NRXN3: variants seen among roughly 807,000 people sequenced by gnomAD.
NRXN3 encodes the protein neurexin 3.
A neutral mutation model predicts 137.6 loss-of-function variants in NRXN3; 32 were observed. That is an observed-to-expected ratio of 0.23 (90% CI 0.18 to 0.31). The LOEUF (loss-of-function observed/expected upper bound fraction) is 0.31, where lower values mean the gene tolerates loss of function less well. Among genes scored for constraint, NRXN3 ranks in the 10% least tolerant of loss-of-function variants. NRXN3 has a pLI of 1.00. For synonymous variants in NRXN3, 798 were observed against 784.5 expected (o/e 1.02, Z -0.29); for missense variants, 1,574 against 2,062.5 (o/e 0.76, Z 4.59).
intron 16 of NRXN3, chr14:79,661,688 C>T (rs1349076626): frequency 6.6e-6 from 1 of 152,144 alleles, no homozygotes; most frequent in Non-Finnish European, 1.5e-5. Context: ...AAACTCTTTT[C>T]TATATCTTGA....
chr14:78,228,789 C>T (rs10129759), intron 1 of NRXN3, among the ~76,000 whole-genome samples: 2,963 of 152,252 alleles, frequency 0.019, 83 homozygotes, highest in African/African-American at 0.066. Flanking sequence ...AACCTTGGGG[C>T]AGGGACACCC....
intron 4 of NRXN3, among the ~76,000 whole-genome samples, chr14:78,533,054 C>A (rs2153813448): frequency 6.6e-6 from 1 of 150,912 alleles, no homozygotes; most frequent in Middle Eastern, 3.5e-3. Flanking sequence ...TACTATGCCA[C>A]TACATCAGTC....
At chr14:79,190,082 T>C (rs774309214) in intron 15 of NRXN3, among the ~76,000 whole-genome samples, 7 of 152,220 alleles carry the variant, frequency 4.6e-5, no homozygotes, top group Non-Finnish European at 4.4e-5. Context: ...TCTACTCATT[T>C]GTTCAGATTT....
At chr14:78,540,910 G>A (rs1483073214) in intron 4 of NRXN3, among the ~76,000 whole-genome samples, 1 of 152,150 alleles carries the variant, frequency 6.6e-6, no homozygotes, top group Non-Finnish European at 1.5e-5. Flanking sequence ...ATTCTGGGTT[G>A]AAAATTCTTT....
intron 4 of NRXN3, among the ~76,000 whole-genome samples, chr14:78,377,034 G>A (rs943889948): frequency 1.3e-5 from 2 of 152,040 alleles, no homozygotes; most frequent in African/African-American, 4.8e-5. Context: ...ATAAAGAACA[G>A]AGAAAATAAA....
At chr14:79,318,040 T>C (rs1294359204) in intron 15 of NRXN3, among the ~76,000 whole-genome samples, 1 of 152,120 alleles carries the variant, frequency 6.6e-6, no homozygotes, top group Non-Finnish European at 1.5e-5. Context: ...GGGCAAGAAA[T>C]GAGATTATTT....
chr14:78,691,676 C>G (rs1041571456), intron 6 of NRXN3, among the ~76,000 whole-genome samples: 3 of 152,022 alleles, frequency 2.0e-5, no homozygotes, highest in African/African-American at 4.8e-5. Flanking sequence ...AGATTGTTAT[C>G]TGAAATAGAT....
intron 6 of NRXN3, among the ~76,000 whole-genome samples, chr14:78,681,460 A>C (rs1202585995): frequency 6.6e-6 from 1 of 152,206 alleles, no homozygotes; most frequent in African/African-American, 2.4e-5. Flanking sequence ...GACCCTCTCC[A>C]TATTTTCAGT....
chr14:78,226,675 G>A (rs556420944), intron 1 of NRXN3, among the ~76,000 whole-genome samples: 1 of 152,272 alleles, frequency 6.6e-6, no homozygotes, highest in South Asian at 2.1e-4. Flanking sequence ...GAGCCCAGAA[G>A]TTGAAGCCAT....
intron 16 of NRXN3, among the ~76,000 whole-genome samples, chr14:79,650,512 G>T (rs1308902874): frequency 1.3e-5 from 2 of 152,114 alleles, no homozygotes; most frequent in Non-Finnish European, 2.9e-5. Flanking sequence ...TGGGTGCAGA[G>T]TATTTGTGGC....
intron 10 of NRXN3, among the ~76,000 whole-genome samples, chr14:78,894,144 A>T (rs2099167046): frequency 6.6e-6 from 1 of 151,900 alleles, no homozygotes; most frequent in Admixed American, 6.6e-5. Context: ...ACAACAATGA[A>T]GTTTGCTTTA....
rs2098386652 is a variant in NRXN3 at position 78,709,277 on chromosome 14, A to T, written c.1282A>T (p.Thr428Ser). 2 of 1,614,144 alleles carry T rather than the reference A, an allele frequency of 1.2e-6. No homozygotes were observed. Among genetic ancestry groups the T allele is most frequent in the Middle Eastern group, 3.3e-4 (2 of 6,062 alleles). ...ELSRLARIAD[T>S]KMKIYGEVVF... ...GTCTCGCCTGGCCCGGATTGCGGAC[A>T]CCAAGATGAAAATCTATGGCGAAGT... The change falls in exon 7 of 21, where the codon ACC (threonine) becomes TCC (serine). Residue 428 changes from threonine to serine, a missense_variant. Around this residue, in one of 5 missense-constraint regions of NRXN3, gnomAD observed 718 missense variants for 887.6 expected, o/e 0.81. Transcript: ENST00000335750.
At position 79,147,481 on chromosome 14, in the gene NRXN3, A is replaced by G. The variant is rs2059404898; in HGVS notation, c.3262+159340A>G. ...GAAAGCCTCATTGCCTCAGTGCCCT[A>G]TTTAATTTCGCCCATTTAAGATAGG... On this transcript the variant is annotated intron_variant, in intron 15 of 20. Transcript: ENST00000335750. Among the ~76,000 whole-genome samples, 4 of 152,102 alleles carry G rather than the reference A, an allele frequency of 2.6e-5. No homozygotes were observed. In the South Asian group the frequency reaches 8.3e-4, roughly 31 times the overall value.
chr14:79,758,854 T>A (rs1367152036), intron 19 of NRXN3, among the ~76,000 whole-genome samples: 2 of 152,182 alleles, frequency 1.3e-5, no homozygotes, highest in Non-Finnish European at 2.9e-5. Context: ...AAGGTTTGGT[T>A]TTCTAGCATG....
intron 8 of NRXN3, among the ~76,000 whole-genome samples, chr14:78,740,434 G>A (rs1240690219): frequency 2.0e-5 from 3 of 147,254 alleles, no homozygotes; most frequent in African/African-American, 7.5e-5. Flanking sequence ...TCCATCTTTT[G>A]TCAGCTAGTA....
At chr14:78,400,479 T>C (rs908242662) in intron 4 of NRXN3, among the ~76,000 whole-genome samples, 2 of 152,204 alleles carry the variant, frequency 1.3e-5, no homozygotes, top group Non-Finnish European at 2.9e-5. Context: ...AACTCCCAAG[T>C]ATTTAGTTTG....
chr14:78,268,194 T>C (rs1483700972), intron 2 of NRXN3, among the ~76,000 whole-genome samples: 1 of 152,204 alleles, frequency 6.6e-6, no homozygotes, highest in Admixed American at 6.5e-5. Context: ...TATCTTAGTA[T>C]GGATGAAATC....
intron 15 of NRXN3, among the ~76,000 whole-genome samples, chr14:79,123,241 G>C (rs897019763): frequency 1.3e-5 from 2 of 151,704 alleles, no homozygotes; most frequent in African/African-American, 2.4e-5. Flanking sequence ...GCGTGTGTGC[G>C]TGCGCGCACA....
intron 15 of NRXN3, among the ~76,000 whole-genome samples, chr14:79,363,251 C>T (rs993921625): frequency 7.2e-5 from 11 of 152,156 alleles, no homozygotes; most frequent in Admixed American, 1.3e-4. Context: ...CCACCTGCCT[C>T]GGCCTCCCAA....
Sources: gnomAD v4.1 joint callset for allele counts (sites outside exome capture counted in the v4.1 genomes callset) on GRCh38, gnomAD v4.1.1 for gene constraint, gnomAD v4.1.1 regional missense constraint, MANE v1.5 for transcripts, NCBI Gene and HGNC (gene_info 2026-07-23, HGNC 2026-07-21) for gene names.